WAC: variants seen among roughly 807,000 people sequenced by gnomAD.
WAC encodes the protein WW domain containing adaptor with coiled-coil.
In WAC, 11 loss-of-function variants were observed where a neutral mutation model predicts 79.6. The ratio of observed to expected loss-of-function variants is 0.14; its 90% confidence interval spans 0.09 to 0.23. The LOEUF (loss-of-function observed/expected upper bound fraction) is 0.23. Ranked by LOEUF, WAC falls within the 10% of genes least tolerant of loss-of-function variation. WAC has a pLI of 1.00. For synonymous variants in WAC, 304 were observed against 276.9 expected (o/e 1.10, Z -0.97); for missense variants, 728 against 773.5 (o/e 0.94, Z 0.70).
chr10:28,545,048 A>G (rs1366720932), intron 3 of WAC, among the ~76,000 whole-genome samples: 3 of 151,808 alleles, frequency 2.0e-5, no homozygotes, highest in Non-Finnish European at 2.9e-5. Flanking sequence ...CTCAAAAAAA[A>G]AAAAAAAAAA....
chr10:28,568,721 G>A (rs1457338615), intron 3 of WAC, among the ~76,000 whole-genome samples: 2 of 152,086 alleles, frequency 1.3e-5, no homozygotes, highest in Non-Finnish European at 1.5e-5. Flanking sequence ...AGGCCCTGGT[G>A]TGTGATGTTC....
chr10:28,610,630 G>A, intron 8 of WAC, 69 bp from the exon 9 acceptor site: 5 of 1,464,418 alleles, frequency 3.4e-6, no homozygotes, highest in South Asian at 1.4e-5. Context: ...TCTCTTCCTT[G>A]TCAGGTTGTT....
At chr10:28,587,432 T>A (rs1839876567) in intron 4 of WAC, among the ~76,000 whole-genome samples, 1 of 152,212 alleles carries the variant, frequency 6.6e-6, no homozygotes, top group Non-Finnish European at 1.5e-5. Context: ...ATAATCATGT[T>A]AGTATTATTA....
intron 2 of WAC, 36 bp from the exon 3 acceptor site, chr10:28,535,526 C>G (rs1836598155): frequency 1.3e-6 from 2 of 1,521,388 alleles, no homozygotes; most frequent in Non-Finnish European, 1.8e-6. Flanking sequence ...GGTTTCAATT[C>G]TTTCTCTCTT....
intron 3 of WAC, among the ~76,000 whole-genome samples, chr10:28,561,422 A>G (rs1564386794): frequency 1.3e-5 from 2 of 152,086 alleles, no homozygotes; most frequent in Non-Finnish European, 1.5e-5. Flanking sequence ...TCTAGTTTGG[A>G]TTTATCCAAA....
intron 3 of WAC, among the ~76,000 whole-genome samples, chr10:28,557,492 TCAAGACCCAC>T (rs2132463646): frequency 6.6e-6 from 1 of 152,166 alleles, no homozygotes; most frequent in East Asian, 1.9e-4. Context: ...AGTCAGGTGT[TCAAGACCCAC>T]CTGAACATAG....
chr10:28,553,306 T>C (rs1837798645), intron 3 of WAC, among the ~76,000 whole-genome samples: 2 of 152,236 alleles, frequency 1.3e-5, no homozygotes, highest in South Asian at 4.1e-4. Context: ...GCCTTGTTAA[T>C]ACAGCTTTCA....
intron 8 of WAC, chr10:28,608,677 T>A: frequency 2.2e-6 from 1 of 456,568 alleles, no homozygotes; most frequent in Non-Finnish European, 3.9e-6. Flanking sequence ...TTGTTATGTG[T>A]CTGGTAGTTA....
At chr10:28,611,646 C>G in intron 9 of WAC, 128 bp from the exon 10 acceptor site, 1 of 1,284,050 alleles carries the variant, frequency 7.8e-7, no homozygotes, top group South Asian at 1.5e-5. Context: ...AATAAGTGTT[C>G]TCTGGGTAAT....
chr10:28,540,210 A>G (rs755822758), intron 3 of WAC, among the ~76,000 whole-genome samples: 9 of 152,216 alleles, frequency 5.9e-5, no homozygotes, highest in Non-Finnish European at 1.0e-4. Flanking sequence ...AAGACAACAG[A>G]TAGTATCCTT....
chr10:28,609,553 G>A (rs1299710498), intron 8 of WAC, among the ~76,000 whole-genome samples: 1 of 152,120 alleles, frequency 6.6e-6, no homozygotes, highest in East Asian at 1.9e-4. Flanking sequence ...GTTCTCTTGT[G>A]TGGTAGGTAA....
intron 3 of WAC, among the ~76,000 whole-genome samples, chr10:28,563,740 C>A (rs1838425832): frequency 1.0e-5 from 1 of 97,368 alleles, no homozygotes; most frequent in African/African-American, 3.0e-5. Flanking sequence ...CTGCCTACAC[C>A]CAGCTTTTTT....
chr10:28,533,836 C>G, intron 1 of WAC, 162 bp from the exon 2 acceptor site: 1 of 1,037,852 alleles, frequency 9.6e-7, no homozygotes, highest in East Asian at 2.9e-5. Flanking sequence ...CTCTCCGGCC[C>G]TTCCGGAGGC....
intron 3 of WAC, among the ~76,000 whole-genome samples, chr10:28,538,581 CAAAA>C (rs34777121): frequency 1.0e-4 from 10 of 98,254 alleles, no homozygotes; most frequent in African/African-American, 1.3e-4. Context: ...GACCCTGTCT[CAAAA>C]AAAAAAAAAA....
chr10:28,611,116 A>C (rs1841219361), intron 9 of WAC: 1 of 596,914 alleles, frequency 1.7e-6, no homozygotes, highest in Non-Finnish European at 2.6e-6. Context: ...TTTATGCCAA[A>C]GCTGAAAGTA....
intron 3 of WAC, among the ~76,000 whole-genome samples, chr10:28,581,881 T>C (rs560862768): frequency 6.6e-6 from 1 of 152,312 alleles, no homozygotes; most frequent in East Asian, 1.9e-4. Context: ...ATAGAGCATT[T>C]ATTGAGGATT....
chr10:28,559,167 A>AGTGTGTGT (rs1554780991), intron 3 of WAC, among the ~76,000 whole-genome samples: 1 of 65,008 alleles, frequency 1.5e-5, no homozygotes, highest in Non-Finnish European at 2.8e-5. Context: ...TGTGTGTGTA[A>AGTGTGTGT]GTCTGATGTT....
intron 10 of WAC, among the ~76,000 whole-genome samples, chr10:28,613,973 C>A (rs1401593809): frequency 6.6e-6 from 1 of 152,150 alleles, no homozygotes; most frequent in African/African-American, 2.4e-5. Context: ...TTCTCCATAT[C>A]ATTAAAATCT....
intron 7 of WAC, among the ~76,000 whole-genome samples, chr10:28,596,411 T>C (rs1460525518): frequency 1.3e-5 from 2 of 152,178 alleles, no homozygotes; most frequent in Non-Finnish European, 1.5e-5. Flanking sequence ...TTAATATAAA[T>C]AGAGGTATTT....
Sources: allele counts gnomAD v4.1 joint callset (sites outside exome capture counted in the v4.1 genomes callset), GRCh38; gene constraint gnomAD v4.1.1; transcripts MANE v1.5; gene names NCBI Gene and HGNC (gene_info 2026-07-23, HGNC 2026-07-21).